Variants in NUP160 observed in about 807,000 individuals in gnomAD.
NUP160 encodes nuclear pore complex protein Nup160.
NUP160 carries 94 observed loss-of-function variants against 196.9 expected under a neutral mutation model. That is an observed-to-expected ratio of 0.48 (90% CI 0.40 to 0.57). The LOEUF (loss-of-function observed/expected upper bound fraction) is 0.57. Ranked by LOEUF, NUP160 falls within the 20% of genes least tolerant of loss-of-function variation. The pLI is 0.00. For synonymous variants in NUP160, 605 were observed against 619.7 expected, an observed-to-expected ratio of 0.98 and a Z score of 0.35; for missense variants, 1,638 against 1,748.3, an observed-to-expected ratio of 0.94 and a Z score of 1.13.
In NUP160 at chr11:47,816,029, T is replaced by C. The variant is rs1599328935; in HGVS notation, c.1432A>G (p.Ile478Val). Residue 478 changes from isoleucine (I) to valine (V), a missense_variant and splice_region_variant, in exon 12 of 36, where the codon ATT becomes GTT. Physicochemically the swap from Ile to Val is conservative, Grantham distance 29. Transcript: ENST00000378460. Reference sequence around the variant, plus strand: ...TTCCTCTCAGTTCCTCGGCAGAAAATCTAACATTAAAAGACATTTTAGACT... The same window carrying C: ...TTCCTCTCAGTTCCTCGGCAGAAAACCTAACATTAAAAGACATTTTAGACT... 4.3e-6 allele frequency: 7 copies of C among 1,609,802 alleles called. No individual in the cohort carries two copies. In the East Asian group the frequency reaches 1.6e-4, roughly 36 times the overall value.
At chr11:47,792,088 T>C in intron 28 of NUP160, 98 bp from the exon 29 acceptor site, 3 of 815,874 alleles carry the variant, frequency 3.7e-6, no homozygotes, top group East Asian at 2.6e-5. Flanking sequence ...ATTTTCTCAA[T>C]GGAAATTATT....
intron 20 of NUP160, 141 bp from the exon 21 acceptor site, chr11:47,804,759 C>T (rs1300108134): frequency 2.1e-5 from 12 of 566,790 alleles, no homozygotes; most frequent in Admixed American, 3.7e-5. Flanking sequence ...CATGTTCTTT[C>T]ATCATCACTA....
chr11:47,838,093 A>T (rs747514733), intron 4 of NUP160, among the ~76,000 whole-genome samples: 1 of 152,222 alleles, frequency 6.6e-6, no homozygotes, highest in East Asian at 1.9e-4. Flanking sequence ...AAAGGAGTAC[A>T]GAGAGTGCCA....
At chr11:47,779,470 C>G (rs576461523) in intron 35 of NUP160, 31 of 491,082 alleles carry the variant, frequency 6.3e-5, no homozygotes, top group South Asian at 4.7e-4. Context: ...ATCACTAACT[C>G]TTTTCTCAGA....
At chr11:47,780,390 G>A in exon 35 of NUP160, 2 of 1,613,866 alleles carry the variant, frequency 1.2e-6, no homozygotes, top group Non-Finnish European at 1.7e-6. Flanking sequence ...GCTTGGAGAA[G>A]CTGATCAATA....
chr11:47,810,506 C>G (rs2097680486), intron 17 of NUP160, among the ~76,000 whole-genome samples: 1 of 151,174 alleles, frequency 6.6e-6, no homozygotes, highest in Non-Finnish European at 1.5e-5. Flanking sequence ...CTTACTCTTG[C>G]TTGAAATTCT....
Position 47,847,945 on chromosome 11 carries a change from C to A in NUP160, c.217G>T (p.Val73Leu), listed in dbSNP as rs771607553. The change falls in exon 2 of 36, where the codon GTG becomes TTG. Residue 73 changes from valine (V) to leucine (L), a missense_variant. By Grantham distance (32) the Val-to-Leu change is conservative (BLOSUM62 1). This residue lies in a region of NUP160 where 287 missense variants were observed against 259.5 expected (regional missense o/e 1.11). Transcript: ENST00000378460. ...TCACTGTATTTTACGGCGCCAGCCA[C>A]GGCATTTGCAGTCCCTGCAAAATGA... The A allele has an allele frequency of 1.2e-6, 2 of 1,614,030 alleles. No homozygotes were observed. Among genetic ancestry groups the A allele is most frequent in the Non-Finnish European group, 1.7e-6 (2 of 1,179,922 alleles).
Position 47,780,292 on chromosome 11 carries a change from A to G in NUP160, c.4221+51T>C, listed in dbSNP as rs1285134730. The G allele has an allele frequency of 2.5e-6, 3 of 1,220,108 alleles. No homozygotes were observed. In the African/African-American group the frequency reaches 4.5e-5, roughly 18 times the overall value. 75.6% of individuals were successfully genotyped at this position (1,220,108 alleles called of 1,614,324 possible). A position where few individuals can be genotyped will look rare whatever the true frequency, so the allele number is the denominator to read the frequency against. On this transcript the variant is annotated intron_variant, in intron 35 of 35. Coordinates refer to ENST00000378460, the Ensembl canonical transcript of NUP160. ...ACTGAAGATCAAGCTGTAAGGTGTA[A>G]CTGCTAGTGCAGGGGCTTACACAAG...
At chr11:47,822,205 C>A in intron 7 of NUP160, 41 bp from the exon 8 acceptor site, 2 of 1,354,850 alleles carry the variant, frequency 1.5e-6, no homozygotes, top group South Asian at 2.4e-5. Flanking sequence ...CTGAAATAAT[C>A]AACATGTTAC....
intron 7 of NUP160, among the ~76,000 whole-genome samples, chr11:47,822,920 T>G (rs548344548): frequency 6.6e-6 from 1 of 152,240 alleles, no homozygotes; most frequent in Non-Finnish European, 1.5e-5. Flanking sequence ...TATGGCTGCA[T>G]AGTATTCCAT....
chr11:47,799,849 T>C (rs1352665978), intron 23 of NUP160, among the ~76,000 whole-genome samples: 2 of 152,190 alleles, frequency 1.3e-5, no homozygotes, highest in Admixed American at 6.6e-5. Context: ...CCCACTATAA[T>C]GGACCTGGAA....
At chr11:47,821,891 T>C (rs1851865841) in intron 8 of NUP160, 70 bp from the exon 9 acceptor site, 5 of 1,254,964 alleles carry the variant, frequency 4.0e-6, no homozygotes, top group Non-Finnish European at 4.7e-6. Flanking sequence ...GACTTACTTT[T>C]TCATCAGTAG....
At chr11:47,815,909 G>T (rs760183728) in intron 12 of NUP160, 37 bp downstream of exon 12, 33 of 1,489,900 alleles carry the variant, frequency 2.2e-5, no homozygotes, top group Non-Finnish European at 3.1e-5. Context: ...ATATCAAGAT[G>T]GAAGGAATTC....
chr11:47,800,517 T>TA (rs2097673622), intron 23 of NUP160, among the ~76,000 whole-genome samples: 1 of 151,712 alleles, frequency 6.6e-6, no homozygotes, highest in African/African-American at 2.4e-5. Context: ...CTCAGGCTCC[T>TA]AAGTAGCTGG....
chr11:47,802,661 A>G (rs1312764665), intron 22 of NUP160, among the ~76,000 whole-genome samples: 1 of 152,100 alleles, frequency 6.6e-6, no homozygotes, highest in Non-Finnish European at 1.5e-5. Context: ...AGCATAAAAC[A>G]ATAAAAAAAA....
chr11:47,785,103 T>TTTTTTTTTTTTTTTTTTGAGACGG lies in NUP160; in HGVS notation c.3849-41_3849-40insCCGTCTCAAAAAAAAAAAAAAAAA. 2.0e-5 allele frequency: 22 copies of TTTTTTTTTTTTTTTTTTGAGACGG among 1,086,528 alleles called. 1 individual carries two copies. The highest frequency in any genetic ancestry group is 2.4e-5 in the Admixed American group (1 of 42,334). 67.3% of individuals were successfully genotyped at this position (1,086,528 alleles called of 1,614,324 possible). ...AAATGACTAATGAGTTTCAGATTCTTAATAGCTATTTAGAGTACCATTCAA... is the reference window on the plus strand; with the variant it reads ...AAATGACTAATGAGTTTCAGATTCTTTTTTTTTTTTTTTTTTTGAGACGGAATAGCTATTTAGAGTACCATTCAA... On this transcript the variant is annotated intron_variant, in intron 32 of 35. Transcript: ENST00000378460.
intron 7 of NUP160, among the ~76,000 whole-genome samples, chr11:47,825,086 C>T (rs1599336952): frequency 6.6e-6 from 1 of 152,072 alleles, no homozygotes; most frequent in African/African-American, 2.4e-5. Context: ...CTGCCCGCCT[C>T]GGCCTCCCAA....
intron 27 of NUP160, 38 bp from the exon 28 acceptor site, chr11:47,792,984 A>C (rs748824601): frequency 6.3e-7 from 1 of 1,578,128 alleles, no homozygotes. Context: ...AGAACTTCCA[A>C]ATTTTTTTTT....
intron 33 of NUP160, among the ~76,000 whole-genome samples, chr11:47,783,720 C>G (rs1053671919): frequency 2.0e-5 from 3 of 152,062 alleles, no homozygotes; most frequent in African/African-American, 7.2e-5. Flanking sequence ...GGCTTCCCTA[C>G]TTTCCTATTT....
Sources: allele counts gnomAD v4.1 joint callset (sites outside exome capture counted in the v4.1 genomes callset), GRCh38; gene constraint gnomAD v4.1.1; regional missense constraint gnomAD v4.1.1; transcripts MANE v1.5; gene names NCBI Gene and HGNC (gene_info 2026-07-23, HGNC 2026-07-21).